Variants in SLC8A1 observed in about 807,000 individuals in gnomAD.
SLC8A1 encodes sodium/calcium exchanger 1.
A neutral mutation model predicts 68.3 loss-of-function variants in SLC8A1; 18 were observed. The observed-to-expected ratio is 0.26, with a 90% CI of 0.18 to 0.39. The LOEUF is 0.39. Among genes scored for constraint, SLC8A1 ranks in the 10% least tolerant of loss-of-function variants. The pLI, the probability that SLC8A1 is intolerant of heterozygous loss-of-function variation, is 1.00. For synonymous variants in SLC8A1, 475 were observed against 415.5 expected (o/e 1.14, Z -1.74); for missense variants, 985 against 1,156.7 (o/e 0.85, Z 2.15).
chr2:40,250,848 A>T (rs2062629441), intron 2 of SLC8A1: 1 of 152,154 alleles, frequency 6.6e-6, no homozygotes, highest in South Asian at 2.1e-4. Context: ...ATGTATATGC[A>T]AAAAAAGTAC....
chr2:40,422,700 C>G (rs1695846334), intron 2 of SLC8A1, among the ~76,000 whole-genome samples: 1 of 152,134 alleles, frequency 6.6e-6, no homozygotes, highest in East Asian at 1.9e-4. Context: ...TAAAGCAGAA[C>G]CATTCCTAGA....
At chr2:40,449,687 T>C (rs576539255) in intron 1 of SLC8A1, among the ~76,000 whole-genome samples, 29 of 151,832 alleles carry the variant, frequency 1.9e-4, no homozygotes, top group Non-Finnish European at 3.8e-4. Context: ...AGTAAAGACA[T>C]AGGTAGATAG....
chr2:40,459,852 T>C (rs753414531), intron 1 of SLC8A1, among the ~76,000 whole-genome samples: 3 of 152,156 alleles, frequency 2.0e-5, no homozygotes, highest in Non-Finnish European at 4.4e-5. Flanking sequence ...CCTGAAATTA[T>C]ACTATACACA....
intron 2 of SLC8A1, among the ~76,000 whole-genome samples, chr2:40,292,600 T>A (rs528087147): frequency 6.6e-6 from 1 of 152,302 alleles, no homozygotes; most frequent in Non-Finnish European, 1.5e-5. Flanking sequence ...ATTGAAGACC[T>A]AATGGAGAGA....
chr2:40,463,701 G>A (rs1703472079), intron 1 of SLC8A1, among the ~76,000 whole-genome samples: 2 of 152,038 alleles, frequency 1.3e-5, no homozygotes, highest in South Asian at 4.1e-4. Context: ...TTATCCACCA[G>A]ATTGCTTTTC....
At chr2:40,263,276 T>C (rs1440674228) in intron 2 of SLC8A1, among the ~76,000 whole-genome samples, 1 of 152,206 alleles carries the variant, frequency 6.6e-6, no homozygotes, top group African/African-American at 2.4e-5. Flanking sequence ...ACAAAAATAA[T>C]GCAGTGCATT....
At chr2:40,310,710 C>T (rs2073514577) in intron 2 of SLC8A1, among the ~76,000 whole-genome samples, 1 of 152,072 alleles carries the variant, frequency 6.6e-6, no homozygotes, top group African/African-American at 2.4e-5. Context: ...AGCTCACCAA[C>T]CTTAGTGATC....
At chr2:40,420,501 T>G (rs1277062771) in intron 2 of SLC8A1, among the ~76,000 whole-genome samples, 6 of 152,160 alleles carry the variant, frequency 3.9e-5, no homozygotes, top group Non-Finnish European at 7.4e-5. Context: ...AGTTTCTTTT[T>G]AAAAACTAGG....
intron 2 of SLC8A1, chr2:40,177,953 G>A: frequency 1.2e-6 from 1 of 806,216 alleles, no homozygotes; most frequent in East Asian, 2.7e-5. Flanking sequence ...TGTTATGGAG[G>A]GAGAACTGGC....
intron 2 of SLC8A1, among the ~76,000 whole-genome samples, chr2:40,332,411 A>AC (rs2076506850): frequency 1.5e-5 from 2 of 132,642 alleles, no homozygotes; most frequent in Non-Finnish European, 3.2e-5. Context: ...CTCTTTCTGC[A>AC]ACATGTGTGT....
At chr2:40,105,406 C>T (rs2034133563) in exon 8 of SLC8A1, 2 of 152,214 alleles carry the variant, frequency 1.3e-5, no homozygotes, top group South Asian at 2.1e-4. Flanking sequence ...TATAGTAATA[C>T]TATCCATGGA....
chr2:40,338,096 T>A (rs1666561067), intron 2 of SLC8A1, among the ~76,000 whole-genome samples: 1 of 152,024 alleles, frequency 6.6e-6, no homozygotes, highest in Non-Finnish European at 1.5e-5. Context: ...TCTCTCTCCC[T>A]CCCATCTCCC....
exon 8 of SLC8A1, chr2:40,111,471 TGAG>T (rs775077830): frequency 4.6e-5 from 7 of 152,118 alleles, no homozygotes; most frequent in Non-Finnish European, 1.0e-4. Context: ...AAGAATATAA[TGAG>T]GAATACTAAA....
At chr2:40,147,134 C>A (rs529673412) in intron 6 of SLC8A1, among the ~76,000 whole-genome samples, 14 of 152,162 alleles carry the variant, frequency 9.2e-5, no homozygotes, top group African/African-American at 3.1e-4. Context: ...AAATGAAAAA[C>A]GGATTCACTA....
chr2:40,452,511 C>T (rs1273314873), upstream of SLC8A1, among the ~76,000 whole-genome samples: 1 of 152,176 alleles, frequency 6.6e-6, no homozygotes, highest in Non-Finnish European at 1.5e-5. Flanking sequence ...TTTGAACCCT[C>T]TTCTTCTCTT....
At chr2:40,290,271 G>GGTTTCTTT (rs1294830355) in intron 2 of SLC8A1, among the ~76,000 whole-genome samples, 1 of 150,738 alleles carries the variant, frequency 6.6e-6, no homozygotes, top group Non-Finnish European at 1.5e-5. Context: ...AAAAAAAAAA[G>GGTTTCTTT]GTTTCTTTGT....
chr2:40,107,191 C>CGATTCGTG (rs1268381296), exon 8 of SLC8A1: 1 of 149,358 alleles, frequency 6.7e-6, no homozygotes, highest in Non-Finnish European at 1.5e-5. Context: ...TAGAAAATGC[C>CGATTCGTG]GATTCGTGAA....
chr2:40,390,447 G>A (rs1427346199), intron 2 of SLC8A1, among the ~76,000 whole-genome samples: 1 of 152,060 alleles, frequency 6.6e-6, no homozygotes, highest in Non-Finnish European at 1.5e-5. Context: ...TGTGATTCAA[G>A]TGGTTCTCCA....
intron 2 of SLC8A1, among the ~76,000 whole-genome samples, chr2:40,181,960 A>G (rs1337081659): frequency 6.6e-6 from 1 of 152,184 alleles, no homozygotes; most frequent in African/African-American, 2.4e-5. Context: ...CAGCAGAAGC[A>G]TGTTCCTCAC....
Sources: allele counts gnomAD v4.1 joint callset (sites outside exome capture counted in the v4.1 genomes callset), GRCh38; gene constraint gnomAD v4.1.1; transcripts MANE v1.5; gene names NCBI Gene and HGNC (gene_info 2026-07-23, HGNC 2026-07-21).